The following KCNN2 variants were observed in gnomAD, a reference collection of about 807,000 sequenced individuals.
KCNN2 encodes the protein small conductance calcium-activated potassium channel protein 2.
KCNN2 carries 24 observed loss-of-function variants against 55.5 expected under a neutral mutation model. The observed-to-expected ratio is 0.43, with a 90% CI of 0.31 to 0.61. KCNN2 has a LOEUF of 0.61. KCNN2 is among the 20% of genes least tolerant of loss of function. The pLI, the probability that KCNN2 is intolerant of heterozygous loss-of-function variation, is 0.08. For synonymous variants in KCNN2, 431 were observed against 336.1 expected, an observed-to-expected ratio of 1.28 and a Z score of -3.09; for missense variants, 754 against 853.6, an observed-to-expected ratio of 0.88 and a Z score of 1.45.
At chr5:114,165,388 T>C (rs1408653090) in intron 1 of KCNN2, among the ~76,000 whole-genome samples, 1 of 152,170 alleles carries the variant, frequency 6.6e-6, no homozygotes, top group Non-Finnish European at 1.5e-5. Flanking sequence ...TTCCTTATGA[T>C]TTTCGTTTTT....
intron 2 of KCNN2, among the ~76,000 whole-genome samples, chr5:114,306,635 T>C (rs1415724384): frequency 6.6e-6 from 1 of 152,126 alleles, no homozygotes; most frequent in African/African-American, 2.4e-5. Context: ...GATGGAAATG[T>C]ATTTAGGGCA....
At chr5:114,383,961 C>T (rs1370295336) in intron 2 of KCNN2, among the ~76,000 whole-genome samples, 1 of 152,230 alleles carries the variant, frequency 6.6e-6, no homozygotes, top group Admixed American at 6.5e-5. Flanking sequence ...AGAACAAGCA[C>T]TATGCTAGGT....
At chr5:114,330,938 C>A (rs1195214348) in intron 2 of KCNN2, among the ~76,000 whole-genome samples, 1 of 152,188 alleles carries the variant, frequency 6.6e-6, no homozygotes, top group East Asian at 1.9e-4. Flanking sequence ...AAGTAGATGG[C>A]AAAGTATAAA....
chr5:114,335,820 G>A (rs549846148), intron 2 of KCNN2, among the ~76,000 whole-genome samples: 3 of 152,146 alleles, frequency 2.0e-5, no homozygotes, highest in Non-Finnish European at 4.4e-5. Flanking sequence ...AGAATCACAC[G>A]GAGCCCTAAG....
intron 2 of KCNN2, among the ~76,000 whole-genome samples, chr5:114,345,154 G>T (rs1408413100): frequency 3.3e-5 from 5 of 152,110 alleles, no homozygotes; most frequent in East Asian, 1.9e-4. Flanking sequence ...GAGTGAGAAA[G>T]ATCTCTATGG....
chr5:114,480,508 T>A (rs944222289), intron 5 of KCNN2, among the ~76,000 whole-genome samples: 1 of 152,134 alleles, frequency 6.6e-6, no homozygotes. Context: ...ACTCATTCTA[T>A]GAGGCAAGCA....
chr5:114,424,363 A>C (rs1303363697), intron 3 of KCNN2, among the ~76,000 whole-genome samples: 1 of 152,216 alleles, frequency 6.6e-6, no homozygotes, highest in Non-Finnish European at 1.5e-5. Context: ...AGCTATACTG[A>C]AAGAATCAGA....
intron 2 of KCNN2, among the ~76,000 whole-genome samples, chr5:114,346,828 G>A (rs1757114288): frequency 6.6e-6 from 1 of 151,646 alleles, no homozygotes; most frequent in South Asian, 2.1e-4. Flanking sequence ...CAGGGGCTGG[G>A]ACAGAAAAAT....
chr5:114,118,959 C>T (rs1751774796), intron 1 of KCNN2, among the ~76,000 whole-genome samples: 1 of 152,124 alleles, frequency 6.6e-6, no homozygotes, highest in East Asian at 1.9e-4. Context: ...GGCCTTGATC[C>T]CAGTGCCACA....
intron 1 of KCNN2, among the ~76,000 whole-genome samples, chr5:114,192,085 A>C (rs1753461754): frequency 6.6e-6 from 1 of 152,224 alleles, no homozygotes; most frequent in Non-Finnish European, 1.5e-5. Context: ...CTACTTAGCC[A>C]AGATGTGCAT....
chr5:114,490,972 C>G (rs1308301995), intron 6 of KCNN2, among the ~76,000 whole-genome samples: 1 of 152,096 alleles, frequency 6.6e-6, no homozygotes, highest in African/African-American at 2.4e-5. Context: ...TCTATCAGCT[C>G]TCCTACATTA....
chr5:114,380,880 G>C (rs1294504644), intron 2 of KCNN2, among the ~76,000 whole-genome samples: 2 of 152,182 alleles, frequency 1.3e-5, no homozygotes, highest in African/African-American at 4.8e-5. Context: ...AGTTGAGAGG[G>C]CAGCTCCCTG....
chr5:114,449,932 T>A (rs1027993378), intron 3 of KCNN2, among the ~76,000 whole-genome samples: 1 of 147,276 alleles, frequency 6.8e-6, no homozygotes, highest in African/African-American at 2.7e-5. Flanking sequence ...GTGCGCGCAC[T>A]CTTCCCTTAG....
intron 3 of KCNN2, among the ~76,000 whole-genome samples, chr5:114,422,244 C>T (rs1374281618): frequency 6.6e-6 from 1 of 152,090 alleles, no homozygotes; most frequent in Non-Finnish European, 1.5e-5. Context: ...ATGTTGAAAC[C>T]TAATTTCCAG....
chr5:114,445,190 T>C (rs78760745), intron 3 of KCNN2, among the ~76,000 whole-genome samples: 6,620 of 152,270 alleles, frequency 0.043, 164 homozygotes, highest in South Asian at 0.093. Context: ...CAGCTGGCCT[T>C]CTTTAGCTGT....
chr5:114,288,754 A>G (rs906770876), intron 2 of KCNN2, among the ~76,000 whole-genome samples: 2 of 152,120 alleles, frequency 1.3e-5, no homozygotes, highest in Non-Finnish European at 2.9e-5. Flanking sequence ...TTTATATTCT[A>G]GAGAATAAAC....
chr5:114,430,982 T>G (rs1759774960), intron 3 of KCNN2, among the ~76,000 whole-genome samples: 1 of 152,266 alleles, frequency 6.6e-6, no homozygotes, highest in Non-Finnish European at 1.5e-5. Context: ...GTACTTTAAG[T>G]AAACTTGCTA....
rs1761283302 is a variant in KCNN2 at position 114,463,142 on chromosome 5, A to G, written c.1731A>G (p.Val577=). ...TFLSIGYGDM[V]PNTYCGKGVC... is the part of the protein sequence containing the mutation. ...TCTCCATTGGTTATGGTGACATGGT[A>G]CCTAACACATACTGTGGAAAAGGAG... Residue 577 remains valine (V), a synonymous_variant, in exon 4 of 8, where the codon GTA becomes GTG. Coordinates refer to ENST00000673685, the MANE Select transcript of KCNN2 (RefSeq NM_021614.4). 1 of 1,613,526 alleles carries G rather than the reference A, an allele frequency of 6.2e-7. No homozygotes were observed. The highest frequency in any genetic ancestry group is 8.5e-7 in the Non-Finnish European group (1 of 1,179,516).
intron 2 of KCNN2, among the ~76,000 whole-genome samples, chr5:114,228,594 T>C (rs1754288922): frequency 6.6e-6 from 1 of 152,080 alleles, no homozygotes; most frequent in Admixed American, 6.5e-5. Context: ...GAACTAAAAT[T>C]GTGCCTGAAA....
Sources: gnomAD v4.1 joint callset for allele counts (sites outside exome capture counted in the v4.1 genomes callset) on GRCh38, gnomAD v4.1.1 for gene constraint, MANE v1.5 for transcripts, NCBI Gene and HGNC (gene_info 2026-07-23, HGNC 2026-07-21) for gene names.